The following DAB1 variants were observed in gnomAD, a reference collection of about 807,000 sequenced individuals.
The protein encoded by DAB1 is disabled homolog 1.
Under a neutral mutation model 64.6 loss-of-function variants are expected in DAB1, and 15 were observed. The ratio of observed to expected loss-of-function variants is 0.23; its 90% CI spans 0.16 to 0.36. The LOEUF is 0.36. Ranked by LOEUF, DAB1 falls within the 10% of genes least tolerant of loss-of-function variation. DAB1 has a pLI of 1.00. For synonymous variants in DAB1, 235 were observed against 251.9 expected, an observed-to-expected ratio of 0.93 and a Z score of 0.64; for missense variants, 596 against 706.7, an observed-to-expected ratio of 0.84 and a Z score of 1.78.
chr1:57,582,589 C>G (rs1223040923), intron 7 of DAB1, among the ~76,000 whole-genome samples: 1 of 152,224 alleles, frequency 6.6e-6, no homozygotes, highest in Non-Finnish European at 1.5e-5. Flanking sequence ...AACTTTCAAT[C>G]CATAGCATGG....
At chr1:58,464,904 G>A (rs150328824) in intron 3 of DAB1, among the ~76,000 whole-genome samples, 1 of 152,244 alleles carries the variant, frequency 6.6e-6, no homozygotes, top group African/African-American at 2.4e-5. Flanking sequence ...TCTAATCACT[G>A]AATATCGGGG....
At chr1:58,495,003 AG>A (rs1418888646) in intron 3 of DAB1, among the ~76,000 whole-genome samples, 1 of 152,226 alleles carries the variant, frequency 6.6e-6, no homozygotes, top group Non-Finnish European at 1.5e-5. Flanking sequence ...ACAATAGCAA[AG>A]ACTTGGAACC....
intron 4 of DAB1, among the ~76,000 whole-genome samples, chr1:58,158,241 G>A (rs1570428715): frequency 6.6e-6 from 1 of 152,084 alleles, no homozygotes; most frequent in Non-Finnish European, 1.5e-5. Context: ...GCCTGCAAGG[G>A]GGCATTTACC....
chr1:58,169,089 G>C (rs1282477164), intron 4 of DAB1, among the ~76,000 whole-genome samples: 1 of 152,190 alleles, frequency 6.6e-6, no homozygotes. Flanking sequence ...TGATCAGCAG[G>C]GTCCAGCAAC....
chr1:58,356,808 C>T (rs867570064), intron 3 of DAB1, among the ~76,000 whole-genome samples: 1 of 151,918 alleles, frequency 6.6e-6, no homozygotes, highest in East Asian at 1.9e-4. Flanking sequence ...ATTGCTTGAG[C>T]CCAGGAGTTC....
intron 7 of DAB1, among the ~76,000 whole-genome samples, chr1:57,603,536 C>A (rs547887327): frequency 6.6e-6 from 1 of 152,316 alleles, no homozygotes; most frequent in East Asian, 1.9e-4. Flanking sequence ...GGGACCACAT[C>A]AGGCATTAAG....
At chr1:57,071,453 A>G in intron 6 of DAB1, 69 bp downstream of exon 6, 1 of 1,547,594 alleles carries the variant, frequency 6.5e-7, no homozygotes, top group Non-Finnish European at 8.7e-7. Flanking sequence ...AGAAGGCCTG[A>G]CTGTCAGTTT....
intron 1 of DAB1, among the ~76,000 whole-genome samples, chr1:57,840,272 C>G (rs888305210): frequency 2.0e-5 from 3 of 151,972 alleles, no homozygotes; most frequent in African/African-American, 7.3e-5. Context: ...GTAAGGCTTC[C>G]TAGCAGAAGG....
At chr1:58,532,145 G>C (rs773553321) in intron 1 of DAB1, among the ~76,000 whole-genome samples, 4 of 152,126 alleles carry the variant, frequency 2.6e-5, no homozygotes, top group South Asian at 2.1e-4. Flanking sequence ...ACAAAAACCT[G>C]TATTTGTAGA....
intron 3 of DAB1, among the ~76,000 whole-genome samples, chr1:58,354,918 T>C (rs1644095685): frequency 6.6e-6 from 1 of 152,180 alleles, no homozygotes; most frequent in South Asian, 2.1e-4. Flanking sequence ...ATAGCATCAT[T>C]AGACTCTGTG....
At chr1:57,450,140 G>A (rs115186830) in intron 7 of DAB1, among the ~76,000 whole-genome samples, 1 of 152,306 alleles carries the variant, frequency 6.6e-6, no homozygotes, top group African/African-American at 2.4e-5. Context: ...ACAAAGCCTT[G>A]CTATTATTGA....
chr1:57,107,381 A>C (rs1282780172), intron 4 of DAB1, among the ~76,000 whole-genome samples: 1 of 21,910 alleles, frequency 4.6e-5, no homozygotes, highest in African/African-American at 3.2e-4. Flanking sequence ...TTTCATTAAA[A>C]AAAAAAAAAA....
intron 6 of DAB1, among the ~76,000 whole-genome samples, chr1:57,747,807 CAAAAAAAAAAAAA>C (rs373640023): frequency 0.059 from 2,599 of 44,022 alleles, 104 homozygotes; most frequent in African/African-American, 0.19. Context: ...GGACTCTGTC[CAAAAAAAAAAAAA>C]AAAAAAAAAA....
intron 7 of DAB1, among the ~76,000 whole-genome samples, chr1:57,487,197 GAT>G (rs1218460211): frequency 1.3e-5 from 2 of 152,180 alleles, no homozygotes; most frequent in Admixed American, 6.5e-5. Context: ...GGTAGAGGTA[GAT>G]ATAGTTCCTC....
intron 2 of DAB1, among the ~76,000 whole-genome samples, chr1:58,519,656 T>C (rs1191726001): frequency 1.3e-5 from 2 of 151,958 alleles, no homozygotes; most frequent in Non-Finnish European, 2.9e-5. Context: ...TAAGCAACGA[T>C]GCCAACAAAC....
At chr1:58,396,990 G>A (rs1372223834) in intron 3 of DAB1, among the ~76,000 whole-genome samples, 2 of 151,924 alleles carry the variant, frequency 1.3e-5, no homozygotes, top group African/African-American at 4.8e-5. Context: ...GCGTGAACCC[G>A]GGAGGCGGAG....
At chr1:57,270,596 C>T (rs1430631309) in intron 2 of DAB1, among the ~76,000 whole-genome samples, 1 of 152,212 alleles carries the variant, frequency 6.6e-6, no homozygotes, top group African/African-American at 2.4e-5. Flanking sequence ...GGTCTCTTTC[C>T]TGCTAAAGCT....
intron 4 of DAB1, among the ~76,000 whole-genome samples, chr1:57,075,873 A>G (rs1171666646): frequency 2.6e-5 from 4 of 152,204 alleles, no homozygotes; most frequent in Admixed American, 2.0e-4. Flanking sequence ...CCCTCAACCA[A>G]CAACAAAAAG....
chr1:57,717,228 C>T (rs902857794), intron 6 of DAB1, among the ~76,000 whole-genome samples: 16 of 150,290 alleles, frequency 1.1e-4, no homozygotes, highest in Admixed American at 3.3e-4. Flanking sequence ...CAGAGCGAGA[C>T]TGTCTCAAAA....
Sources: gnomAD v4.1 joint callset for allele counts (sites outside exome capture counted in the v4.1 genomes callset) on GRCh38, gnomAD v4.1.1 for gene constraint, MANE v1.5 for transcripts, NCBI Gene and HGNC (gene_info 2026-07-23, HGNC 2026-07-21) for gene names.